Variants in ADGRL4 observed in about 807,000 individuals in gnomAD.
ADGRL4 encodes adhesion G protein-coupled receptor L4, also known as EGF, latrophilin and seven transmembrane domain containing 1.
A neutral mutation model predicts 74.8 loss-of-function variants in ADGRL4; 90 were observed. The ratio of observed to expected loss-of-function variants is 1.20; its 90% CI spans 1.02 to 1.43. ADGRL4 has a LOEUF of 1.43. Among genes scored for constraint, ADGRL4 ranks in the 40% most tolerant of loss-of-function variants. The pLI is 0.00. For missense variants in ADGRL4, 881 were observed against 814.3 expected, an observed-to-expected ratio of 1.08 and a Z score of -1.00; for synonymous variants, 311 against 279.2, an observed-to-expected ratio of 1.11 and a Z score of -1.14.
At chr1:78,958,622 T>C (rs1173572980) in intron 2 of ADGRL4, among the ~76,000 whole-genome samples, 1 of 152,188 alleles carries the variant, frequency 6.6e-6, no homozygotes, top group Non-Finnish European at 1.5e-5. Context: ...AGTTGCTTCT[T>C]ATGAATAAGC....
chr1:79,000,551 A>G (rs1650819890), intron 2 of ADGRL4, among the ~76,000 whole-genome samples: 1 of 152,112 alleles, frequency 6.6e-6, no homozygotes, highest in Non-Finnish European at 1.5e-5. Flanking sequence ...TCCTCTTTCT[A>G]TATACTGATG....
Position 78,939,260 on chromosome 1 carries a change from T to A in ADGRL4, c.326-2A>T. 3.8e-6 allele frequency: 6 copies of A among 1,561,450 alleles called. No homozygotes were observed. Among genetic ancestry groups the A allele is most frequent in the Non-Finnish European group, 5.2e-6 (6 of 1,156,018 alleles). ...AATGGCAGTTTGCATTCACATTTTC[T>A]GTAAAAAAAGAAAATAGATTATACA... On this transcript the variant is annotated splice_acceptor_variant, in intron 3 of 14. Coordinates refer to ENST00000370742, the MANE Select transcript of ADGRL4 (RefSeq NM_022159.4). LOFTEE classifies it high-confidence loss of function.
intron 12 of ADGRL4, among the ~76,000 whole-genome samples, chr1:78,901,767 T>C (rs1648526194): frequency 6.6e-6 from 1 of 152,172 alleles, no homozygotes; most frequent in South Asian, 2.1e-4. Flanking sequence ...TATAGCTACA[T>C]GACACTGCTA....
intron 8 of ADGRL4, among the ~76,000 whole-genome samples, chr1:78,924,562 C>G (rs940263652): frequency 6.6e-6 from 1 of 151,910 alleles, no homozygotes; most frequent in South Asian, 2.1e-4. Flanking sequence ...GGCTACAGAG[C>G]CTTGGAAAGG....
intron 2 of ADGRL4, among the ~76,000 whole-genome samples, chr1:78,985,898 T>G (rs1222026314): frequency 1.3e-5 from 2 of 151,842 alleles, no homozygotes; most frequent in South Asian, 4.1e-4. Flanking sequence ...AAGGCCATTA[T>G]GCTAAGTGAA....
chr1:78,949,861 A>G (rs990382700), intron 2 of ADGRL4, among the ~76,000 whole-genome samples: 4 of 152,172 alleles, frequency 2.6e-5, no homozygotes, highest in Non-Finnish European at 5.9e-5. Context: ...GATATATTTT[A>G]AAATGTTATT....
chr1:78,994,538 C>A (rs942591108), intron 2 of ADGRL4, among the ~76,000 whole-genome samples: 1 of 152,006 alleles, frequency 6.6e-6, no homozygotes, highest in Non-Finnish European at 1.5e-5. Flanking sequence ...CTGGGATTTC[C>A]CAGTCACTAA....
chr1:78,995,493 GTAGA>G (rs983984558), intron 2 of ADGRL4, among the ~76,000 whole-genome samples: 9 of 152,168 alleles, frequency 5.9e-5, no homozygotes, highest in Non-Finnish European at 1.0e-4. Context: ...AGTACAAAGA[GTAGA>G]TAAAGCATCT....
chr1:78,938,322 T>C, intron 4 of ADGRL4, 43 bp from the exon 5 acceptor site: 1 of 1,468,170 alleles, frequency 6.8e-7, no homozygotes, highest in Non-Finnish European at 9.1e-7. Context: ...AAATTAGTTC[T>C]ACTGGAGTTT....
chr1:78,983,785 G>C (rs899475243), intron 2 of ADGRL4, among the ~76,000 whole-genome samples: 1 of 151,836 alleles, frequency 6.6e-6, no homozygotes, highest in Non-Finnish European at 1.5e-5. Context: ...TGAAATTGCA[G>C]AGATGATTTT....
chr1:78,935,506 C>T (rs189773316), intron 7 of ADGRL4, among the ~76,000 whole-genome samples: 8 of 148,292 alleles, frequency 5.4e-5, no homozygotes, highest in East Asian at 2.0e-4. Flanking sequence ...ATGCTGTGCA[C>T]GTTTCCCAGA....
At chr1:78,915,581 G>A (rs1237861803) in intron 12 of ADGRL4, among the ~76,000 whole-genome samples, 3 of 151,858 alleles carry the variant, frequency 2.0e-5, no homozygotes, top group African/African-American at 4.8e-5. Context: ...CTAACTCTGA[G>A]CCATCATCCG....
Position 78,917,740 on chromosome 1 carries a change from G to A in ADGRL4, c.1683-40C>T, listed in dbSNP as rs766567219. On this transcript the variant is annotated intron_variant, in intron 11 of 14. Transcript: ENST00000370742. ...AAAGATAGAATCTATAAATATGTTT[G>A]CATGTATGTTAACATAGCAAAATTA... is the stretch of plus-strand genomic sequence containing the variant. 15 of 1,573,640 alleles carry A rather than the reference G, an allele frequency of 9.5e-6. No homozygotes were observed. In the South Asian group the frequency reaches 1.3e-4, roughly 14 times the overall value.
At chr1:78,915,121 G>A (rs374156434) in intron 12 of ADGRL4, among the ~76,000 whole-genome samples, 30 of 151,750 alleles carry the variant, frequency 2.0e-4, no homozygotes, top group African/African-American at 3.1e-4. Flanking sequence ...TTATCTTTGC[G>A]TATAGAATAG....
At chr1:78,970,842 A>G (rs1650153457) in intron 2 of ADGRL4, among the ~76,000 whole-genome samples, 1 of 152,190 alleles carries the variant, frequency 6.6e-6, no homozygotes, top group African/African-American at 2.4e-5. Flanking sequence ...GGAAAAGTTA[A>G]TTTCCCAAGC....
intron 2 of ADGRL4, among the ~76,000 whole-genome samples, chr1:78,955,439 T>C (rs1649808860): frequency 6.6e-6 from 1 of 152,156 alleles, no homozygotes. Context: ...AGAGATTTTT[T>C]GTAATCATGT....
intron 2 of ADGRL4, among the ~76,000 whole-genome samples, chr1:78,949,431 T>A (rs1026743991): frequency 6.6e-6 from 1 of 152,154 alleles, no homozygotes; most frequent in Non-Finnish European, 1.5e-5. Flanking sequence ...CTTATCTATC[T>A]CCCTATCTTC....
Position 78,946,345 on chromosome 1 carries a change from A to G in ADGRL4, c.254T>C (p.Met85Thr), listed in dbSNP as rs754419929. The change falls in exon 3 of 15, where the codon ATG (methionine) becomes ACG (threonine). Residue 85 changes from methionine (M) to threonine (T), a missense_variant. Coordinates refer to ENST00000370742, the MANE Select transcript of ADGRL4 (RefSeq NM_022159.4). ...CTNTEGSYYC[M>T]CVPGFRSSSN... ...GCTGGATCTGAAGCCAGGTACACAC[A>G]TACAATAATAACTTCCTTCTGTGTT... 2.5e-5 allele frequency: 40 copies of G among 1,613,400 alleles called. No homozygotes were observed. The highest frequency in any genetic ancestry group is 3.2e-5 in the Non-Finnish European group (38 of 1,179,680).
intron 12 of ADGRL4, among the ~76,000 whole-genome samples, chr1:78,899,552 G>A (rs770634086): frequency 1.1e-4 from 17 of 151,940 alleles, no homozygotes; most frequent in Non-Finnish European, 2.5e-4. Context: ...ATGGGGTTTC[G>A]CCATATTGCC....
Sources: allele counts gnomAD v4.1 joint callset (sites outside exome capture counted in the v4.1 genomes callset), GRCh38; gene constraint gnomAD v4.1.1; transcripts MANE v1.5; gene names NCBI Gene and HGNC (gene_info 2026-07-23, HGNC 2026-07-21).